TCF7L1: variants seen among roughly 807,000 people sequenced by gnomAD.
TCF7L1 encodes transcription factor 7 like 1.
TCF7L1 carries 18 observed loss-of-function variants against 63.7 expected under a neutral mutation model. That is an observed-to-expected ratio of 0.28 (90% CI 0.20 to 0.42). The LOEUF is 0.42. TCF7L1 is among the 10% of genes least tolerant of loss of function. The probability of loss-of-function intolerance (pLI) is 1.00; values close to 1 mark genes in which losing one functional copy is unlikely to be tolerated. For synonymous variants in TCF7L1, 355 were observed against 340.9 expected, an observed-to-expected ratio of 1.04 and a Z score of -0.46; for missense variants, 654 against 779.3, an observed-to-expected ratio of 0.84 and a Z score of 1.91.
chr2:85,218,641 G>C (rs1022901660), intron 3 of TCF7L1, among the ~76,000 whole-genome samples: 15 of 140,012 alleles, frequency 1.1e-4, no homozygotes, highest in Admixed American at 5.7e-4. Context: ...TATTCCAATG[G>C]GGGGGGGAAA....
intron 3 of TCF7L1, among the ~76,000 whole-genome samples, chr2:85,185,725 T>G (rs1286051418): frequency 6.6e-6 from 1 of 151,978 alleles, no homozygotes; most frequent in Non-Finnish European, 1.5e-5. Flanking sequence ...TGGCTTGGGG[T>G]TAGGACATCT....
chr2:85,244,764 C>T (rs1680420182), intron 3 of TCF7L1, among the ~76,000 whole-genome samples: 1 of 152,092 alleles, frequency 6.6e-6, no homozygotes, highest in Non-Finnish European at 1.5e-5. Context: ...GATGGTACTT[C>T]AAGCCATGAG....
At chr2:85,220,269 A>C (rs7581895) in intron 3 of TCF7L1, among the ~76,000 whole-genome samples, 83 of 152,166 alleles carry the variant, frequency 5.5e-4, no homozygotes, top group African/African-American at 1.5e-3. Flanking sequence ...GAAAAAAAAG[A>C]GGTGGGGAGC....
At chr2:85,136,071 A>G (rs1370762300) in intron 3 of TCF7L1, among the ~76,000 whole-genome samples, 6 of 152,118 alleles carry the variant, frequency 3.9e-5, no homozygotes, top group African/African-American at 1.4e-4. Context: ...TAATGCCGCT[A>G]AAGTCTCAGG....
At chr2:85,184,349 G>C (rs1052802167) in intron 3 of TCF7L1, among the ~76,000 whole-genome samples, 8 of 152,174 alleles carry the variant, frequency 5.3e-5, no homozygotes, top group Non-Finnish European at 1.2e-4. Flanking sequence ...GCTGGGGCTG[G>C]CAGGGGAGAG....
At chr2:85,272,819 T>C in intron 3 of TCF7L1, among the ~76,000 whole-genome samples, 1 of 151,974 alleles carries the variant, frequency 6.6e-6, no homozygotes, top group East Asian at 1.9e-4. Context: ...AGTATATCAA[T>C]CAATCAATCA....
At chr2:85,146,167 G>A (rs975285500) in intron 3 of TCF7L1, among the ~76,000 whole-genome samples, 1 of 152,108 alleles carries the variant, frequency 6.6e-6, no homozygotes, top group Admixed American at 6.5e-5. Flanking sequence ...ACTATATCAC[G>A]CTGTTCTAAC....
intron 3 of TCF7L1, among the ~76,000 whole-genome samples, chr2:85,270,234 T>C (rs1256255641): frequency 1.3e-5 from 2 of 152,252 alleles, no homozygotes; most frequent in Non-Finnish European, 2.9e-5. Context: ...ATACCTGGGA[T>C]GCTTTCCAGC....
At chr2:85,183,948 A>T (rs569605729) in intron 3 of TCF7L1, among the ~76,000 whole-genome samples, 1 of 152,296 alleles carries the variant, frequency 6.6e-6, no homozygotes, top group East Asian at 1.9e-4. Context: ...GAGAAGAGGG[A>T]AAGTCAAGGG....
intron 3 of TCF7L1, among the ~76,000 whole-genome samples, chr2:85,234,153 T>TTTTTTTTTTTC (rs1558641614): frequency 3.0e-5 from 4 of 134,330 alleles, no homozygotes; most frequent in African/African-American, 9.8e-5. Context: ...TTTTTTTTTT[T>TTTTTTTTTTTC]CGAGATGGAG....
rs56339562 is a variant in TCF7L1, at chr2:85,290,325, A to G, written c.525+6747A>G. Among the ~76,000 whole-genome samples the G allele has an allele frequency of 5.5e-3, 842 of 152,042 alleles. 3 individuals are homozygous for G. Among genetic ancestry groups the G allele is most frequent in the Non-Finnish European group, 0.01 (704 of 67,978 alleles). Reference sequence around the variant, plus strand: ...TAGCATCCTGTGCATATATTTGTATACGTGTGCGCTTTTCCCCCCATTTAA... The same window carrying G: ...TAGCATCCTGTGCATATATTTGTATGCGTGTGCGCTTTTCCCCCCATTTAA... On this transcript the variant is annotated intron_variant, in intron 4 of 11. Coordinates refer to ENST00000282111, the MANE Select transcript of TCF7L1 (RefSeq NM_031283.3).
intron 3 of TCF7L1, among the ~76,000 whole-genome samples, chr2:85,149,304 TATATGTATATACACATATACAC>T (rs1400402871): frequency 1.5e-5 from 2 of 135,986 alleles, no homozygotes; most frequent in Non-Finnish European, 3.1e-5. Context: ...TATATGTGTA[TATATGTATATACACATATACAC>T]ATATGTGTGT....
chr2:85,220,449 A>G (rs1004548052), intron 3 of TCF7L1, among the ~76,000 whole-genome samples: 5 of 151,836 alleles, frequency 3.3e-5, no homozygotes, highest in Admixed American at 6.6e-5. Flanking sequence ...GCTCACTGCA[A>G]CCTCCTCCCA....
chr2:85,304,150 C>A, intron 6 of TCF7L1, 105 bp from the exon 7 acceptor site: 1 of 1,343,664 alleles, frequency 7.4e-7, no homozygotes, highest in South Asian at 1.3e-5. Context: ...CCCAGCATTA[C>A]CTTCCCGCTT....
At chr2:85,258,390 A>G (rs1188889525) in intron 3 of TCF7L1, among the ~76,000 whole-genome samples, 2 of 152,156 alleles carry the variant, frequency 1.3e-5, no homozygotes, top group Non-Finnish European at 2.9e-5. Flanking sequence ...GCACCAAGCC[A>G]CTGGTGTGCA....
chr2:85,302,375 TG>T, intron 4 of TCF7L1, 108 bp from the exon 5 acceptor site: 2 of 1,476,984 alleles, frequency 1.4e-6, no homozygotes, highest in Non-Finnish European at 9.4e-7. Flanking sequence ...GAGGACTGAA[TG>T]GGATGTTGCC....
intron 3 of TCF7L1, among the ~76,000 whole-genome samples, chr2:85,273,676 A>G (rs2104358725): frequency 6.6e-6 from 1 of 152,282 alleles, no homozygotes; most frequent in East Asian, 1.9e-4. Flanking sequence ...ATAGACATAC[A>G]TGGGCGACAC....
At chr2:85,308,484 TCCCTCCC>T (rs1682191997) in intron 11 of TCF7L1, among the ~76,000 whole-genome samples, 4 of 50,638 alleles carry the variant, frequency 7.9e-5, no homozygotes, top group Admixed American at 4.7e-4. Flanking sequence ...TCCCCCTCCT[TCCCTCCC>T]TTCCCCCCCT....
intron 3 of TCF7L1, among the ~76,000 whole-genome samples, chr2:85,271,260 C>A (rs1228969358): frequency 1.3e-5 from 2 of 151,412 alleles, no homozygotes; most frequent in African/African-American, 4.9e-5. Context: ...TTACAGGCAC[C>A]CGCCACCACA....
Sources: allele counts gnomAD v4.1 joint callset (sites outside exome capture counted in the v4.1 genomes callset), GRCh38; gene constraint gnomAD v4.1.1; transcripts MANE v1.5; gene names NCBI Gene and HGNC (gene_info 2026-07-23, HGNC 2026-07-21).